The following CCDC73 variants were observed in gnomAD, a reference collection of about 807,000 sequenced individuals.
CCDC73 encodes the protein coiled-coil domain containing 73.
CCDC73 carries 95 observed loss-of-function variants against 116.5 expected under a neutral mutation model. The ratio of observed to expected loss-of-function variants is 0.82; its 90% CI spans 0.69 to 0.97. The LOEUF (loss-of-function observed/expected upper bound fraction) is 0.97, where lower values mean the gene tolerates loss of function less well. Ranked by LOEUF, CCDC73 falls within the 50% of genes least tolerant of loss-of-function variation. The probability of loss-of-function intolerance (pLI) is 0.00; values close to 1 mark genes in which losing one functional copy is unlikely to be tolerated. For synonymous variants in CCDC73, 398 were observed against 401.3 expected (o/e 0.99, Z 0.10); for missense variants, 1,066 against 1,206.8 (o/e 0.88, Z 1.73).
chr11:32,613,248 T>G (rs1855438424), intron 16 of CCDC73, among the ~76,000 whole-genome samples, 174 bp downstream of exon 16: 2 of 152,232 alleles, frequency 1.3e-5, no homozygotes, highest in South Asian at 4.1e-4. Context: ...GGCAGAAGCC[T>G]TAACTACTTC....
intron 17 of CCDC73, among the ~76,000 whole-genome samples, chr11:32,610,794 T>A (rs1427764447): frequency 6.6e-6 from 1 of 152,262 alleles, no homozygotes; most frequent in East Asian, 1.9e-4. Flanking sequence ...TGGACTTGAT[T>A]AGCTTACTTT....
At chr11:32,695,482 C>T (rs1006165766) in intron 6 of CCDC73, among the ~76,000 whole-genome samples, 1 of 151,950 alleles carries the variant, frequency 6.6e-6, no homozygotes, top group Non-Finnish European at 1.5e-5. Flanking sequence ...TCCAATTTAA[C>T]ATTTGGTGCT....
chr11:32,608,457 G>A (rs1855382616), intron 17 of CCDC73, among the ~76,000 whole-genome samples: 1 of 152,148 alleles, frequency 6.6e-6, no homozygotes, highest in Non-Finnish European at 1.5e-5. Flanking sequence ...AATGCAAGAG[G>A]TGGGTTCTTA....
chr11:32,665,757 T>A (rs1193219904), intron 9 of CCDC73, among the ~76,000 whole-genome samples: 5 of 152,200 alleles, frequency 3.3e-5, no homozygotes, highest in Admixed American at 3.3e-4. Context: ...CTAGCATCAA[T>A]GGTCTCTACA....
chr11:32,759,914 T>C (rs1850376659), intron 2 of CCDC73, among the ~76,000 whole-genome samples, 195 bp downstream of exon 2: 1 of 152,206 alleles, frequency 6.6e-6, no homozygotes, highest in Non-Finnish European at 1.5e-5. Context: ...TTTTGTGCTT[T>C]AGTTTCCAAA....
chr11:32,769,235 C>A (rs1299607831), intron 1 of CCDC73, among the ~76,000 whole-genome samples: 1 of 152,210 alleles, frequency 6.6e-6, no homozygotes, highest in Non-Finnish European at 1.5e-5. Context: ...ATTTAAATTT[C>A]TTTTGTTTTA....
the CCDC73 span, among the ~76,000 whole-genome samples, chr11:32,812,223 A>C: frequency 6.6e-6 from 1 of 152,184 alleles, no homozygotes; most frequent in Admixed American, 6.5e-5. Flanking sequence ...GTTTTATTTT[A>C]TTAATAAATT....
chr11:32,783,763 C>T (rs1372713660), intron 1 of CCDC73, among the ~76,000 whole-genome samples: 8 of 152,016 alleles, frequency 5.3e-5, no homozygotes, highest in African/African-American at 1.2e-4. Flanking sequence ...TAGGTTTCAA[C>T]GTATGAATTT....
chr11:32,760,006 C>G (rs1850377341), intron 2 of CCDC73, 103 bp downstream of exon 2: 1 of 936,072 alleles, frequency 1.1e-6, no homozygotes, highest in East Asian at 2.5e-5. Context: ...TATTTTATTT[C>G]TAAACAAGAG....
At chr11:32,782,169 G>C (rs572727558) in intron 1 of CCDC73, among the ~76,000 whole-genome samples, 1 of 152,292 alleles carries the variant, frequency 6.6e-6, no homozygotes, top group East Asian at 1.9e-4. Context: ...AGGAAAACAA[G>C]TTCAGGGCTC....
the CCDC73 span, among the ~76,000 whole-genome samples, chr11:32,828,424 C>T: frequency 0.13 from 20,297 of 150,962 alleles, 1,474 homozygotes; most frequent in South Asian, 0.22. Flanking sequence ...GCAGGAGAAT[C>T]GCTTGAACCC....
the CCDC73 span, among the ~76,000 whole-genome samples, chr11:32,811,090 C>A: frequency 0.23 from 31,219 of 133,122 alleles, 3,552 homozygotes; most frequent in East Asian, 0.59. Context: ...AAAAAAAAAA[C>A]CTCTTCTGAG....
the CCDC73 span, among the ~76,000 whole-genome samples, chr11:32,809,074 G>A: frequency 6.6e-6 from 1 of 152,144 alleles, no homozygotes; most frequent in African/African-American, 2.4e-5. Flanking sequence ...ATATTTACAA[G>A]CTCATTATGA....
intron 13 of CCDC73, among the ~76,000 whole-genome samples, chr11:32,638,946 G>A (rs1478358560): frequency 2.0e-5 from 3 of 151,602 alleles, no homozygotes; most frequent in Non-Finnish European, 4.4e-5. Context: ...TCAGGAGTTC[G>A]AGACCAGCCT....
At chr11:32,814,659 T>C in the CCDC73 span, among the ~76,000 whole-genome samples, 1 of 152,120 alleles carries the variant, frequency 6.6e-6, no homozygotes, top group Non-Finnish European at 1.5e-5. Flanking sequence ...CCATATGACC[T>C]AGCAAGTCCC....
intron 1 of CCDC73, among the ~76,000 whole-genome samples, chr11:32,791,118 T>C (rs534959583): frequency 1.1e-4 from 16 of 152,218 alleles, no homozygotes; most frequent in Non-Finnish European, 1.8e-4. Context: ...ATACAGGTTT[T>C]TCTTGTTACT....
chr11:32,653,175 T>C lies in CCDC73; in HGVS notation c.887A>G (p.Gln296Arg), dbSNP rs1419694465. Residue 296 changes from glutamine (Q) to arginine (R), a missense_variant, in exon 12 of 18, where the codon CAA becomes CGA. Gln to Arg is a conservative substitution (Grantham distance 43). Transcript: ENST00000335185. ...HMQQLLRQQI[Q>R]ANTEMEAELK... ...TTCTGCCTCCATTTCAGTATTAGCTTGAATTTGTTGCCGAAGTAACTGCTG... is the reference window on the plus strand; with the variant it reads ...TTCTGCCTCCATTTCAGTATTAGCTCGAATTTGTTGCCGAAGTAACTGCTG... The C allele has an allele frequency of 1.9e-6, 3 of 1,612,208 alleles. No individual in the cohort carries two copies. The highest frequency in any genetic ancestry group is 2.5e-6 in the Non-Finnish European group (3 of 1,179,222).
At chr11:32,644,279 A>C (rs1855757629) in intron 12 of CCDC73, among the ~76,000 whole-genome samples, 2 of 152,192 alleles carry the variant, frequency 1.3e-5, no homozygotes, top group Non-Finnish European at 2.9e-5. Flanking sequence ...GTGGGAGCTA[A>C]ACATTGAGCA....
At chr11:32,637,731 ACC>A (rs1855695637) in intron 13 of CCDC73, among the ~76,000 whole-genome samples, 1 of 151,838 alleles carries the variant, frequency 6.6e-6, no homozygotes, top group Non-Finnish European at 1.5e-5. Flanking sequence ...GGGATAAGAA[ACC>A]CAAGGTTCTT....
Sources: gnomAD v4.1 joint callset for allele counts (sites outside exome capture counted in the v4.1 genomes callset) on GRCh38, gnomAD v4.1.1 for gene constraint, MANE v1.5 for transcripts, NCBI Gene and HGNC (gene_info 2026-07-23, HGNC 2026-07-21) for gene names.